Variants in TMEM181 observed in about 807,000 individuals in gnomAD.
TMEM181 encodes transmembrane protein 181, also known as G protein-coupled receptor 178.
In TMEM181, 39 loss-of-function variants were observed where a neutral mutation model predicts 71.9. That is an observed-to-expected ratio of 0.54 (90% CI 0.42 to 0.71). The LOEUF (loss-of-function observed/expected upper bound fraction) is 0.71, where lower values mean the gene tolerates loss of function less well. Ranked by LOEUF, TMEM181 falls within the 30% of genes least tolerant of loss-of-function variation. The pLI is 0.00. For synonymous variants in TMEM181, 245 were observed against 228.8 expected (o/e 1.07, Z -0.64); for missense variants, 595 against 583.0 (o/e 1.02, Z -0.21).
At chr6:158,556,324 CTTCCTTCCCGTAGTGATCCTT>C (rs1781887314), upstream of TMEM181, among the ~76,000 whole-genome samples, 1 of 152,222 alleles carries the variant, frequency 6.6e-6, no homozygotes, top group Non-Finnish European at 1.5e-5. Context: ...AGAATCATCA[CTTCCTTCCCGTAGTGATCCTT>C]TTCCCGATTC....
At chr6:158,572,140 C>T (rs1322585039) in intron 1 of TMEM181, among the ~76,000 whole-genome samples, 1 of 152,260 alleles carries the variant, frequency 6.6e-6, no homozygotes, top group South Asian at 2.1e-4. Context: ...AGAGCTACGT[C>T]GCAGAGGTGT....
At chr6:158,598,650 TATTTTC>T (rs1235600390) in intron 6 of TMEM181, among the ~76,000 whole-genome samples, 3 of 151,624 alleles carry the variant, frequency 2.0e-5, no homozygotes, top group Non-Finnish European at 4.4e-5. Flanking sequence ...TTTATTTTTT[TATTTTC>T]ATTTTCATTT....
At chr6:158,600,612 A>G (rs1784617452) in intron 6 of TMEM181, among the ~76,000 whole-genome samples, 1 of 151,740 alleles carries the variant, frequency 6.6e-6, no homozygotes, top group Non-Finnish European at 1.5e-5. Flanking sequence ...CTGGGATTAC[A>G]GGCAAGCACC....
At chr6:158,588,744 A>G (rs1783930294) in intron 5 of TMEM181, among the ~76,000 whole-genome samples, 2 of 152,230 alleles carry the variant, frequency 1.3e-5, no homozygotes, top group South Asian at 4.1e-4. Context: ...CACCACGCCC[A>G]GCCACCTTCT....
chr6:158,595,112 G>T (rs1230971100), intron 6 of TMEM181, among the ~76,000 whole-genome samples: 1 of 152,224 alleles, frequency 6.6e-6, no homozygotes, highest in East Asian at 1.9e-4. Context: ...CTGGCTGTCA[G>T]ATATTTCAGA....
intron 4 of TMEM181, among the ~76,000 whole-genome samples, 158 bp from the exon 5 acceptor site, chr6:158,585,146 C>T (rs760344846): frequency 5.3e-5 from 8 of 152,140 alleles, no homozygotes; most frequent in Non-Finnish European, 8.8e-5. Context: ...TTTTACTTTG[C>T]TGGGCAATTA....
chr6:158,594,617 A>C (rs908955532), intron 6 of TMEM181, among the ~76,000 whole-genome samples: 2 of 152,164 alleles, frequency 1.3e-5, no homozygotes, highest in Non-Finnish European at 2.9e-5. Context: ...TTAAGTTTTG[A>C]CAATTATGAA....
chr6:158,590,707 C>T (rs1392894696), intron 6 of TMEM181, among the ~76,000 whole-genome samples: 1 of 151,828 alleles, frequency 6.6e-6, no homozygotes, highest in Admixed American at 6.6e-5. Flanking sequence ...GGTGATCCGC[C>T]CACCTTGGCC....
At chr6:158,580,075 A>C (rs879872689) in intron 2 of TMEM181, among the ~76,000 whole-genome samples, 6 of 152,226 alleles carry the variant, frequency 3.9e-5, no homozygotes, top group Non-Finnish European at 8.8e-5. Context: ...TCACGCCTGT[A>C]ATCCCGGCAC....
chr6:158,625,866 G>C, intron 13 of TMEM181, 112 bp downstream of exon 13: 1 of 953,870 alleles, frequency 1.0e-6, no homozygotes, highest in South Asian at 1.5e-5. Context: ...TAGCCCAGTA[G>C]ACTCATGAGG....
rs142865434 is a variant in TMEM181 at position 158,611,661 on chromosome 6, C to T, written c.896+2911C>T. On this transcript the variant is annotated intron_variant, in intron 10 of 16. Coordinates refer to ENST00000684151, the MANE Select transcript of TMEM181 (RefSeq NM_001376852.1). ...GACTCCCTGAGTGCTCTGAATCAGGCAGCCTTTGGTGGCGGCCCCGCCCAC... is the reference window on the plus strand; with the variant it reads ...GACTCCCTGAGTGCTCTGAATCAGGTAGCCTTTGGTGGCGGCCCCGCCCAC... 1,060 of 294,032 alleles carry T rather than the reference C, an allele frequency of 3.6e-3. 3 individuals carry two copies. The highest frequency in any genetic ancestry group is 5.0e-3 in the Admixed American group (116 of 23,036). 18.2% of individuals were successfully genotyped at this position (294,032 alleles called of 1,614,324 possible).
At chr6:158,561,077 C>T (rs1782145533) in intron 1 of TMEM181, among the ~76,000 whole-genome samples, 1 of 152,202 alleles carries the variant, frequency 6.6e-6, no homozygotes, top group Non-Finnish European at 1.5e-5. Context: ...GCTCCCTGCA[C>T]TGAAGGCAGC....
Position 158,631,380 on chromosome 6 carries a change from T to A in TMEM181, c.1340T>A (p.Val447Glu), listed in dbSNP as rs767305292. ...ATGCTGAATGACTCGGATGATGATG[T>A]GATTTATGGGTAAGTCCCTGTCCGT... ...FSMLNDSDDD[V>E]IYGSDYEEMP... The change falls in exon 16 of 17, where the codon GTG becomes GAG. Residue 447 changes from valine (V) to glutamate (E), a missense_variant. By Grantham distance (121) the Val-to-Glu change is moderately radical (BLOSUM62 -2). Transcript: ENST00000684151. 29 of 1,614,084 alleles carry A rather than the reference T, an allele frequency of 1.8e-5. No homozygotes were observed. The highest frequency in any genetic ancestry group is 2.1e-5 in the Non-Finnish European group (25 of 1,180,048).
At chr6:158,565,836 C>G (rs1319848661) in intron 1 of TMEM181, among the ~76,000 whole-genome samples, 2 of 152,106 alleles carry the variant, frequency 1.3e-5, no homozygotes, top group Admixed American at 6.5e-5. Flanking sequence ...TGCTTTCCCC[C>G]ACAGAGCCTC....
intron 14 of TMEM181, among the ~76,000 whole-genome samples, chr6:158,629,406 C>G (rs921456326): frequency 6.6e-6 from 1 of 152,108 alleles, no homozygotes; most frequent in Non-Finnish European, 1.5e-5. Flanking sequence ...GGCCTTCCTG[C>G]CCTTTTCATG....
At chr6:158,571,466 A>AT (rs1455739033) in intron 1 of TMEM181, among the ~76,000 whole-genome samples, 3 of 115,556 alleles carry the variant, frequency 2.6e-5, no homozygotes, top group Admixed American at 1.8e-4. Context: ...CTGGCTGCTA[A>AT]TTTTTGTATT....
intron 1 of TMEM181, among the ~76,000 whole-genome samples, chr6:158,554,668 A>G (rs992360798): frequency 1.3e-5 from 2 of 152,248 alleles, no homozygotes; most frequent in African/African-American, 4.8e-5. Flanking sequence ...ACCAATCTGA[A>G]TAGAATTTAA....
Position 158,633,402 on chromosome 6 carries a change from C to T in TMEM181, c.*1514C>T, listed in dbSNP as rs1381388222. On this transcript the variant is annotated 3_prime_UTR_variant, in exon 17 of 17. Coordinates refer to ENST00000684151, the MANE Select transcript of TMEM181 (RefSeq NM_001376852.1). ...CTCATGTGGACGTCTCCCGTGCTTT[C>T]CTCTTGACCTCTACAGTCACACTTC... 6.6e-6 allele frequency: 1 copy of T among 152,216 alleles called. No individual in the cohort carries two copies. Among genetic ancestry groups the T allele is most frequent in the African/African-American group, 2.4e-5 (1 of 41,442 alleles). 9.4% of individuals were successfully genotyped at this position (152,216 alleles called of 1,614,324 possible).
At chr6:158,580,425 A>T (rs773530298) in intron 2 of TMEM181, among the ~76,000 whole-genome samples, 1 of 152,232 alleles carries the variant, frequency 6.6e-6, no homozygotes, top group South Asian at 2.1e-4. Context: ...ATTGGAAAAA[A>T]AACTATGAGG....
Sources: gnomAD v4.1 joint callset for allele counts (sites outside exome capture counted in the v4.1 genomes callset) on GRCh38, gnomAD v4.1.1 for gene constraint, MANE v1.5 for transcripts, NCBI Gene and HGNC (gene_info 2026-07-23, HGNC 2026-07-21) for gene names.